Variants in NCOA1 observed in about 807,000 individuals in gnomAD.
NCOA1 encodes the protein Hin-2 protein.
In NCOA1, 35 loss-of-function variants were observed where a neutral mutation model predicts 150.9. The ratio of observed to expected loss-of-function variants is 0.23; its 90% CI spans 0.18 to 0.31. The LOEUF is 0.31. Among genes scored for constraint, NCOA1 ranks in the 10% least tolerant of loss-of-function variants. The probability of loss-of-function intolerance (pLI) is 1.00; values close to 1 mark genes in which losing one functional copy is unlikely to be tolerated. For missense variants in NCOA1, 1,491 were observed against 1,749.3 expected (o/e 0.85, Z 2.63); for synonymous variants, 590 against 630.0 (o/e 0.94, Z 0.95).
intron 8 of NCOA1, among the ~76,000 whole-genome samples, chr2:24,685,364 A>G (rs1672354323): frequency 1.3e-5 from 2 of 152,222 alleles, no homozygotes; most frequent in Admixed American, 1.3e-4. Context: ...AAGAACAAGT[A>G]TACATGGATA....
intron 2 of NCOA1, among the ~76,000 whole-genome samples, chr2:24,572,020 C>G (rs148560532): frequency 6.6e-6 from 1 of 152,086 alleles, no homozygotes; most frequent in African/African-American, 2.4e-5. Flanking sequence ...GTAATTACCC[C>G]CTGCTTGACT....
At chr2:24,517,165 T>C (rs1467736824) in intron 1 of NCOA1, among the ~76,000 whole-genome samples, 1 of 151,684 alleles carries the variant, frequency 6.6e-6, no homozygotes, top group Admixed American at 6.6e-5. Flanking sequence ...TACACACTTA[T>C]TTTTTATTTA....
At chr2:24,632,072 T>A (rs1484510538) in intron 3 of NCOA1, among the ~76,000 whole-genome samples, 1 of 152,184 alleles carries the variant, frequency 6.6e-6, no homozygotes, top group Non-Finnish European at 1.5e-5. Context: ...TTAGTATTGT[T>A]CACTCTCAAA....
At chr2:24,516,866 C>T (rs1429343390) in intron 1 of NCOA1, among the ~76,000 whole-genome samples, 2 of 106,064 alleles carry the variant, frequency 1.9e-5, no homozygotes, top group Admixed American at 1.2e-4. Context: ...TCTTTATATA[C>T]CAGTGTTTTT....
intron 1 of NCOA1, 44 bp from the exon 2 acceptor site, chr2:24,564,251 A>G (rs1243543691): frequency 1.3e-5 from 2 of 152,148 alleles, no homozygotes; most frequent in Admixed American, 1.3e-4. Context: ...CAAAATCTGT[A>G]ATGTTTTCAA....
rs1014874055 is a variant in NCOA1 at position 24,519,652 on chromosome 2, C to CAAAAAAAA, written c.-396+28062_-396+28069dup. Among the ~76,000 whole-genome samples the CAAAAAAAA allele has an allele frequency of 7.0e-3, 503 of 72,252 alleles. 5 individuals are homozygous for CAAAAAAAA. Among genetic ancestry groups the CAAAAAAAA allele is most frequent in the African/African-American group, 0.026 (459 of 17,898 alleles). The allele number at this position is 72,252 out of a possible 152,430, so 47.4% of individuals were successfully genotyped here. On this transcript the variant is annotated intron_variant, in intron 1 of 22. Coordinates refer to ENST00000348332, the MANE Select transcript of NCOA1 (RefSeq NM_003743.5). ...CTGGGCAGCAAAGGCCCTGTCTCTA[C>CAAAAAAAA]AAAAAAAAAAAAAAAAAAATTAGCT... is the stretch of plus-strand genomic sequence containing the variant.
intron 17 of NCOA1, 36 bp from the exon 18 acceptor site, chr2:24,739,396 G>A: frequency 2.1e-6 from 3 of 1,444,062 alleles, no homozygotes; most frequent in Non-Finnish European, 1.9e-6. Context: ...ATGCTTGTGT[G>A]TAGAAATATA....
chr2:24,730,894 CG>C (rs1162242570), intron 17 of NCOA1, among the ~76,000 whole-genome samples: 12 of 112,514 alleles, frequency 1.1e-4, no homozygotes, highest in Middle Eastern at 6.4e-3. Context: ...AAAAAAAAAA[CG>C]GGCATGGTGG....
intron 3 of NCOA1, among the ~76,000 whole-genome samples, chr2:24,591,899 T>C (rs1187275570): frequency 1.3e-5 from 2 of 152,134 alleles, no homozygotes; most frequent in East Asian, 3.8e-4. Context: ...TCTTTAAAAA[T>C]TAAAAAAAAG....
chr2:24,668,912 A>G lies in NCOA1; in HGVS notation c.256+2997A>G, dbSNP rs55829053. 6.4e-3 allele frequency among the ~76,000 whole-genome samples: 973 copies of G among 152,302 alleles called. 13 individuals are homozygous for G. Among genetic ancestry groups the G allele is most frequent in the African/African-American group, 0.022 (895 of 41,566 alleles). The stretch of plus-strand genomic sequence containing the variant: ...AATTAAACTATACGTAAGATCTGAA[A>G]CACTAAATATAAAAAAAGAAATGTA... On this transcript the variant is annotated intron_variant, in intron 6 of 22. Coordinates refer to ENST00000348332, the MANE Select transcript of NCOA1 (RefSeq NM_003743.5).
chr2:24,733,197 T>C (rs966222773), intron 17 of NCOA1, among the ~76,000 whole-genome samples: 1 of 152,200 alleles, frequency 6.6e-6, no homozygotes, highest in African/African-American at 2.4e-5. Context: ...TTTAAAGTTA[T>C]ATAGTTAAAT....
At chr2:24,698,344 A>G (rs971374214) in intron 11 of NCOA1, among the ~76,000 whole-genome samples, 1 of 152,252 alleles carries the variant, frequency 6.6e-6, no homozygotes, top group Admixed American at 6.5e-5. Flanking sequence ...TACAGAGATC[A>G]GTATCATGCC....
rs187443158 is a variant in NCOA1 at position 24,768,823 on chromosome 2, C to T, written c.*432C>T. On this transcript the variant is annotated 3_prime_UTR_variant, in exon 23 of 23. Coordinates refer to ENST00000348332, the MANE Select transcript of NCOA1 (RefSeq NM_003743.5). ...GGGCCCGTGGGGCTTTGCCTGTGCC[C>T]GTCCACCAAAGGCTGTCATGTGTCT... 5.8e-5 allele frequency: 13 copies of T among 225,410 alleles called. No individual in the cohort carries two copies. The highest frequency in any genetic ancestry group is 1.3e-3 in the Middle Eastern group (1 of 754). The allele number at this position is 225,410 out of a possible 1,614,324, so 14.0% of individuals were successfully genotyped here. A position where few individuals can be genotyped will look rare whatever the true frequency, so the allele number is the denominator to read the frequency against.
At chr2:24,535,679 G>T (rs925816337) in intron 1 of NCOA1, among the ~76,000 whole-genome samples, 2 of 152,070 alleles carry the variant, frequency 1.3e-5, no homozygotes, top group African/African-American at 4.8e-5. Flanking sequence ...TGCTTGTCTG[G>T]AAAGAATTTT....
intron 19 of NCOA1, among the ~76,000 whole-genome samples, chr2:24,743,136 C>T (rs2148664881): frequency 1.3e-5 from 2 of 152,218 alleles, no homozygotes; most frequent in East Asian, 3.9e-4. Flanking sequence ...AACTTTTATG[C>T]AAAATTAATT....
chr2:24,596,559 G>A (rs55748026), intron 3 of NCOA1, among the ~76,000 whole-genome samples: 35 of 151,952 alleles, frequency 2.3e-4, no homozygotes, highest in South Asian at 6.2e-4. Context: ...TTTGACTGTC[G>A]GGCTTAAGTT....
At chr2:24,698,883 T>C (rs2148576631) in intron 11 of NCOA1, among the ~76,000 whole-genome samples, 1 of 152,326 alleles carries the variant, frequency 6.6e-6, no homozygotes, top group East Asian at 1.9e-4. Context: ...TTTTTTTTCT[T>C]CTTCCAGGAA....
At chr2:24,597,729 A>C (rs546911427) in intron 3 of NCOA1, among the ~76,000 whole-genome samples, 1 of 152,282 alleles carries the variant, frequency 6.6e-6, no homozygotes, top group South Asian at 2.1e-4. Context: ...TACTCATATT[A>C]TGAAAGATAA....
chr2:24,541,247 G>A (rs748267964), intron 1 of NCOA1, among the ~76,000 whole-genome samples: 1 of 152,162 alleles, frequency 6.6e-6, no homozygotes, highest in Non-Finnish European at 1.5e-5. Context: ...TGAGAGCTAC[G>A]TTGAAGAAGG....
Sources: gnomAD v4.1 joint callset for allele counts (sites outside exome capture counted in the v4.1 genomes callset) on GRCh38, gnomAD v4.1.1 for gene constraint, MANE v1.5 for transcripts, NCBI Gene and HGNC (gene_info 2026-07-23, HGNC 2026-07-21) for gene names.